Variants in NCOA1 observed in about 807,000 individuals in gnomAD.
The protein encoded by NCOA1 is nuclear receptor coactivator 1, also known as Hin-2 protein.
In NCOA1, 35 loss-of-function variants were observed where a neutral mutation model predicts 150.9. The observed-to-expected ratio is 0.23, with a 90% CI of 0.18 to 0.31. The LOEUF (loss-of-function observed/expected upper bound fraction) is 0.31, where lower values mean the gene tolerates loss of function less well. NCOA1 is among the 10% of genes least tolerant of loss of function. The pLI, the probability that NCOA1 is intolerant of heterozygous loss-of-function variation, is 1.00. For synonymous variants in NCOA1, 590 were observed against 630.0 expected, an observed-to-expected ratio of 0.94 and a Z score of 0.95; for missense variants, 1,491 against 1,749.3, an observed-to-expected ratio of 0.85 and a Z score of 2.63.
chr2:24,747,327 C>CTTTTTTTTTTTTTTTT (rs148901218), intron 19 of NCOA1, among the ~76,000 whole-genome samples: 1 of 120,170 alleles, frequency 8.3e-6, no homozygotes, highest in African/African-American at 3.1e-5. Flanking sequence ...TTATTTTTCT[C>CTTTTTTTTTTTTTTTT]TTTTTTTTTT....
intron 2 of NCOA1, among the ~76,000 whole-genome samples, chr2:24,579,148 G>A (rs1415797343): frequency 6.6e-6 from 1 of 152,120 alleles, no homozygotes; most frequent in African/African-American, 2.4e-5. Context: ...TGAGTAAGGG[G>A]GATGGGCAAC....
chr2:24,640,198 A>G (rs1272032877), intron 3 of NCOA1, among the ~76,000 whole-genome samples: 3 of 151,750 alleles, frequency 2.0e-5, no homozygotes, highest in Admixed American at 6.6e-5. Flanking sequence ...TAAGATTTCA[A>G]TCTTTAGAAA....
chr2:24,506,367 G>A (rs1247282862), intron 1 of NCOA1, among the ~76,000 whole-genome samples: 1 of 152,128 alleles, frequency 6.6e-6, no homozygotes, highest in Admixed American at 6.5e-5. Flanking sequence ...GTCTCAGTTG[G>A]ATGCTCTATA....
intron 3 of NCOA1, among the ~76,000 whole-genome samples, chr2:24,636,291 G>A (rs1020161301): frequency 4.6e-5 from 7 of 151,974 alleles, no homozygotes; most frequent in African/African-American, 1.7e-4. Context: ...TTTAAGTCTT[G>A]CCATAGGTTT....
At chr2:24,599,027 T>C (rs1397777254) in intron 3 of NCOA1, among the ~76,000 whole-genome samples, 1 of 152,148 alleles carries the variant, frequency 6.6e-6, no homozygotes, top group African/African-American at 2.4e-5. Context: ...AAATAGAGAA[T>C]TGAGACTTCT....
At chr2:24,534,547 G>C (rs1057343175) in intron 1 of NCOA1, among the ~76,000 whole-genome samples, 6 of 151,950 alleles carry the variant, frequency 3.9e-5, no homozygotes, top group Admixed American at 1.3e-4. Flanking sequence ...ATGTTAGGGT[G>C]TCAATTTTAG....
chr2:24,763,278 G>A (rs1272487755), intron 22 of NCOA1, among the ~76,000 whole-genome samples: 1 of 152,106 alleles, frequency 6.6e-6, no homozygotes, highest in African/African-American at 2.4e-5. Flanking sequence ...GGTGGCTCAT[G>A]CCTGTAATCC....
rs772970404 is a variant in NCOA1, at chr2:24,768,516, CAAAAAAAAAAA to C, written c.*140_*150del. The C allele has an allele frequency of 9.2e-4, 51 of 55,206 alleles. No homozygotes were observed. Among genetic ancestry groups the C allele is most frequent in the East Asian group, 2.2e-3 (8 of 3,632 alleles). 3.4% of individuals were successfully genotyped at this position (55,206 alleles called of 1,614,324 possible). On this transcript the variant is annotated 3_prime_UTR_variant, in exon 23 of 23. Coordinates refer to ENST00000348332, the MANE Select transcript of NCOA1 (RefSeq NM_003743.5). ...ATTCTTCAGGTCGTAGCATTTGGAG[CAAAAAAAAAAA>C]AAAAAAAAAAAAAAGGAGTTTGCTT...
intron 22 of NCOA1, among the ~76,000 whole-genome samples, chr2:24,766,794 A>G (rs922462515): frequency 3.9e-5 from 6 of 152,148 alleles, no homozygotes; most frequent in African/African-American, 9.7e-5. Context: ...GAGACGTTAC[A>G]GACCACAAAG....
chr2:24,568,100 C>G (rs935358659), intron 2 of NCOA1, among the ~76,000 whole-genome samples: 2 of 152,076 alleles, frequency 1.3e-5, no homozygotes, highest in African/African-American at 4.8e-5. Flanking sequence ...GAGTGATATC[C>G]CCTATTCATA....
At chr2:24,525,613 T>C (rs1664622081) in intron 1 of NCOA1, among the ~76,000 whole-genome samples, 1 of 151,806 alleles carries the variant, frequency 6.6e-6, no homozygotes, top group Non-Finnish European at 1.5e-5. Flanking sequence ...GTGGCGCGAT[T>C]TTGGCTCACT....
At chr2:24,526,769 G>A (rs1664671103) in intron 1 of NCOA1, among the ~76,000 whole-genome samples, 1 of 151,802 alleles carries the variant, frequency 6.6e-6, no homozygotes, top group Non-Finnish European at 1.5e-5. Context: ...ACAACATGAT[G>A]TTATGAGATA....
intron 11 of NCOA1, among the ~76,000 whole-genome samples, chr2:24,698,548 AT>A (rs1218179782): frequency 6.6e-6 from 1 of 152,176 alleles, no homozygotes; most frequent in Non-Finnish European, 1.5e-5. Flanking sequence ...AGGAAAAGTT[AT>A]TTGAGAATTA....
In NCOA1 at chr2:24,517,535, A is replaced by T. The variant is rs554759711; in HGVS notation, c.-396+25933A>T. Among the ~76,000 whole-genome samples, 25 of 152,220 alleles carry T rather than the reference A, an allele frequency of 1.6e-4. No homozygotes were observed. In the South Asian group the frequency reaches 5.0e-3, roughly 30 times the overall value. On this transcript the variant is annotated intron_variant, in intron 1 of 22. Transcript: ENST00000348332. ...CTGACAGGGTGTTGTTGCCACTGTG[A>T]GATTTCCTTTCACAGAAACTAGAAG...
intron 14 of NCOA1, among the ~76,000 whole-genome samples, chr2:24,722,026 G>C (rs1439844447): frequency 6.6e-6 from 1 of 152,078 alleles, no homozygotes; most frequent in Non-Finnish European, 1.5e-5. Context: ...TAAAATATAA[G>C]TGATATATCT....
At chr2:24,549,676 C>T (rs535184541) in intron 1 of NCOA1, among the ~76,000 whole-genome samples, 10 of 152,306 alleles carry the variant, frequency 6.6e-5, no homozygotes, top group Non-Finnish European at 1.3e-4. Flanking sequence ...ACGCCATTCT[C>T]CTGCCTCAGC....
At chr2:24,636,625 A>G (rs1286704333) in intron 3 of NCOA1, among the ~76,000 whole-genome samples, 1 of 152,158 alleles carries the variant, frequency 6.6e-6, no homozygotes, top group Non-Finnish European at 1.5e-5. Flanking sequence ...TGCCCTACGT[A>G]GGAACTCCAC....
chr2:24,559,600 GCT>G (rs1382498789), intron 1 of NCOA1, among the ~76,000 whole-genome samples: 3 of 152,160 alleles, frequency 2.0e-5, no homozygotes, highest in Non-Finnish European at 4.4e-5. Context: ...CATCAACTGG[GCT>G]CTCTCAGCCT....
intron 7 of NCOA1, among the ~76,000 whole-genome samples, chr2:24,681,899 A>G (rs1224819615): frequency 6.6e-6 from 1 of 152,092 alleles, no homozygotes; most frequent in Non-Finnish European, 1.5e-5. Context: ...TATTTTTAGT[A>G]GAGACGGGGT....
Sources: allele counts gnomAD v4.1 joint callset (sites outside exome capture counted in the v4.1 genomes callset), GRCh38; gene constraint gnomAD v4.1.1; transcripts MANE v1.5; gene names NCBI Gene and HGNC (gene_info 2026-07-23, HGNC 2026-07-21).